The following CTNND1 variants were observed in gnomAD, a reference collection of about 807,000 sequenced individuals.
The protein encoded by CTNND1 is catenin delta 1, also known as catenin delta-1.
CTNND1 carries 16 observed loss-of-function variants against 112.1 expected under a neutral mutation model. The observed-to-expected ratio is 0.14, with a 90% CI of 0.10 to 0.22. CTNND1 has a LOEUF of 0.22. CTNND1 is among the 10% of genes least tolerant of loss of function. CTNND1 has a pLI of 1.00. For missense variants in CTNND1, 1,008 were observed against 1,257.0 expected, an observed-to-expected ratio of 0.80 and a Z score of 3.00; for synonymous variants, 420 against 446.5, an observed-to-expected ratio of 0.94 and a Z score of 0.75.
chr11:57,767,659 G>T (rs1458981164), intron 1 of CTNND1, among the ~76,000 whole-genome samples: 2 of 142,014 alleles, frequency 1.4e-5, no homozygotes, highest in African/African-American at 5.3e-5. Flanking sequence ...TGGCCTCCTT[G>T]TCTGTAAAAT....
Position 57,801,892 on chromosome 11 carries a change from C to A in CTNND1, c.1116C>A (p.Ile372=), listed in dbSNP as rs768894021. Residue 372 remains isoleucine, a synonymous_variant, in exon 7 of 21, where the codon ATC becomes ATA. Coordinates refer to ENST00000399050, the MANE Select transcript of CTNND1 (RefSeq NM_001085458.2). ...GACAGCCAGAGCTGCCAGAGGTGAT[C>A]GCCATGCTTGGATTCCGCTTGGATG... is the stretch of plus-strand genomic sequence containing the variant. The part of the protein sequence containing the change: ...NWRQPELPEV[I]AMLGFRLDAV... The A allele has an allele frequency of 1.9e-6, 3 of 1,614,002 alleles. No homozygotes were observed. The South Asian group carries it at 3.3e-5, about 18-fold the overall frequency.
intron 6 of CTNND1, among the ~76,000 whole-genome samples, chr11:57,797,800 C>T (rs2061519777): frequency 7.0e-6 from 1 of 142,456 alleles, no homozygotes; most frequent in African/African-American, 2.6e-5. Flanking sequence ...CAAGATCATG[C>T]CATTGCACTC....
At chr11:57,795,448 A>G in intron 4 of CTNND1, 129 bp from the exon 5 acceptor site, 1 of 947,816 alleles carries the variant, frequency 1.1e-6, no homozygotes, top group Non-Finnish European at 1.5e-6. Flanking sequence ...CCATCTAAAA[A>G]TCCTGAGGCC....
intron 4 of CTNND1, among the ~76,000 whole-genome samples, chr11:57,794,533 C>T (rs1017280748): frequency 1.3e-5 from 2 of 151,112 alleles, no homozygotes; most frequent in Non-Finnish European, 3.0e-5. Flanking sequence ...TGCCTGTAAT[C>T]CCAGCACTTT....
At chr11:57,800,883 C>G (rs2061952442) in intron 6 of CTNND1, among the ~76,000 whole-genome samples, 1 of 152,184 alleles carries the variant, frequency 6.6e-6, no homozygotes, top group African/African-American at 2.4e-5. Flanking sequence ...GTTGGTAGTA[C>G]TGAAACAGGA....
intron 3 of CTNND1, 95 bp from the exon 4 acceptor site, chr11:57,793,915 A>G: frequency 1.6e-6 from 2 of 1,227,666 alleles, no homozygotes; most frequent in Non-Finnish European, 2.4e-6. Flanking sequence ...TATCTTCTTG[A>G]AAGCCCTTTT....
chr11:57,766,444 C>T (rs769431026), intron 1 of CTNND1, among the ~76,000 whole-genome samples: 2 of 152,162 alleles, frequency 1.3e-5, no homozygotes, highest in Admixed American at 6.5e-5. Flanking sequence ...AATTAGTTTT[C>T]TTGGGTAATT....
chr11:57,792,570 A>T (rs1286505250), intron 3 of CTNND1, among the ~76,000 whole-genome samples: 1 of 152,156 alleles, frequency 6.6e-6, no homozygotes, highest in Non-Finnish European at 1.5e-5. Flanking sequence ...TTATTTATTT[A>T]TTTAAATAGG....
intron 12 of CTNND1, 83 bp downstream of exon 12, chr11:57,807,066 G>A (rs1193201848): frequency 9.2e-7 from 1 of 1,083,996 alleles, no homozygotes; most frequent in Non-Finnish European, 1.4e-6. Flanking sequence ...CAGACTTTAT[G>A]TAATACGTTT....
chr11:57,799,241 T>C (rs1271228670), intron 6 of CTNND1, among the ~76,000 whole-genome samples: 1 of 152,196 alleles, frequency 6.6e-6, no homozygotes, highest in Non-Finnish European at 1.5e-5. Context: ...AGAGCAGTGG[T>C]AGATAACAGC....
intron 1 of CTNND1, among the ~76,000 whole-genome samples, chr11:57,766,233 G>A (rs1249549866): frequency 6.6e-6 from 1 of 152,196 alleles, no homozygotes; most frequent in Non-Finnish European, 1.5e-5. Context: ...CAGCAGAAAA[G>A]TACTGCTTTC....
At chr11:57,776,263 G>A (rs556142374) in intron 1 of CTNND1, among the ~76,000 whole-genome samples, 17 of 152,128 alleles carry the variant, frequency 1.1e-4, no homozygotes, top group Non-Finnish European at 2.2e-4. Context: ...GAGGGTGGTG[G>A]TGGAAACAGC....
intron 1 of CTNND1, among the ~76,000 whole-genome samples, chr11:57,772,094 G>GTTT (rs1952807900): frequency 7.8e-6 from 1 of 128,452 alleles, no homozygotes; most frequent in Non-Finnish European, 1.7e-5. Context: ...GCTAATTTTT[G>GTTT]TATTTTTTTT....
chr11:57,784,542 C>T (rs552955219), intron 1 of CTNND1, among the ~76,000 whole-genome samples: 59 of 152,168 alleles, frequency 3.9e-4, no homozygotes, highest in South Asian at 1.2e-3. Flanking sequence ...CTTACTCTGT[C>T]ATCCAGGCTG....
At chr11:57,804,537 C>T in intron 8 of CTNND1, 126 bp from the exon 9 acceptor site, 1 of 688,128 alleles carries the variant, frequency 1.5e-6, no homozygotes, top group Non-Finnish European at 2.5e-6. Context: ...CAGTACCTTG[C>T]TTATAATAGG....
At chr11:57,810,852 G>A (rs2063259825) in intron 16 of CTNND1, among the ~76,000 whole-genome samples, 2 of 152,070 alleles carry the variant, frequency 1.3e-5, no homozygotes, top group African/African-American at 4.8e-5. Context: ...AGCAACTCAG[G>A]AGGCTGAGGT....
At chr11:57,804,818 C>T (rs1478088941) in intron 9 of CTNND1, 38 bp downstream of exon 9, 1 of 1,413,030 alleles carries the variant, frequency 7.1e-7, no homozygotes. Flanking sequence ...GAGTGAATTT[C>T]ATTCACCACA....
Position 57,798,361 on chromosome 11 carries a change from A to G in CTNND1, c.956+1369A>G, listed in dbSNP as rs552528411. On this transcript the variant is annotated intron_variant, in intron 6 of 20. Coordinates refer to ENST00000399050, the MANE Select transcript of CTNND1 (RefSeq NM_001085458.2). Reference sequence around the variant, plus strand: ...GACTGTCTCAAAAAAAAAAAAAAAAAAGCCAAAAAAACCCCAAAACAAAAC... The same window carrying G: ...GACTGTCTCAAAAAAAAAAAAAAAAGAGCCAAAAAAACCCCAAAACAAAAC... Among the ~76,000 whole-genome samples, 890 of 150,686 alleles carry G rather than the reference A, an allele frequency of 5.9e-3. 2 individuals carry two copies. Among genetic ancestry groups the G allele is most frequent in the Non-Finnish European group, 0.011 (718 of 67,648 alleles).
chr11:57,815,508 C>T lies in CTNND1; in HGVS notation c.2808+8C>T, dbSNP rs368657366. On this transcript the variant is annotated splice_region_variant and intron_variant, in intron 19 of 20. Transcript: ENST00000399050. ...GGAACAACACCCTTGATGGTAAATT[C>T]TCTTTATATACTGCTATCTGTCTAA... is the stretch of plus-strand genomic sequence containing the variant. The T allele has an allele frequency of 5.7e-6, 9 of 1,585,096 alleles. No individual in the cohort carries two copies. The African/African-American group carries it at 1.2e-4, about 21-fold the overall frequency.
Sources: gnomAD v4.1 joint callset for allele counts (sites outside exome capture counted in the v4.1 genomes callset) on GRCh38, gnomAD v4.1.1 for gene constraint, MANE v1.5 for transcripts, NCBI Gene and HGNC (gene_info 2026-07-23, HGNC 2026-07-21) for gene names.